The following TENM1 variants were observed in gnomAD, a reference collection of about 807,000 sequenced individuals.
TENM1 encodes teneurin-1.
TENM1 carries 35 observed loss-of-function variants against 174.8 expected under a neutral mutation model. The ratio of observed to expected loss-of-function variants is 0.20; its 90% CI spans 0.15 to 0.27. The LOEUF (loss-of-function observed/expected upper bound fraction) is 0.27, where lower values mean the gene tolerates loss of function less well. Ranked by LOEUF, TENM1 falls within the 10% of genes least tolerant of loss-of-function variation. The pLI is 1.00. For missense variants in TENM1, 1,633 were observed against 2,130.1 expected, an observed-to-expected ratio of 0.77 and a Z score of 4.59; for synonymous variants, 781 against 798.7, an observed-to-expected ratio of 0.98 and a Z score of 0.37.
chrX:124,382,768 C>T lies in TENM1; in HGVS notation c.7342G>A (p.Val2448Ile). 8.3e-7 allele frequency: 1 copy of T among 1,204,275 alleles called. No individual in the cohort carries two copies. The highest frequency in any genetic ancestry group is 1.8e-5 in the South Asian group (1 of 55,751). The change falls in exon 31 of 32, where the codon GTA becomes ATA. Residue 2448 changes from valine to isoleucine, a missense_variant. Transcript: ENST00000422452. ...TCAGGTTTGGGAAATCCAGGTAGTA[C>T]ATTGTGTAATTGGAAACCAAATAGC...
chrX:124,643,104 C>T (rs1360451442), intron 10 of TENM1, among the ~76,000 whole-genome samples: 1 of 111,682 alleles, frequency 9.0e-6, no homozygotes, highest in African/African-American at 3.3e-5. Context: ...CCAGAAGGTA[C>T]ATCTAATTTG....
chrX:125,064,813 T>C, the TENM1 span, among the ~76,000 whole-genome samples: 5 of 111,218 alleles, frequency 4.5e-5, no homozygotes, highest in Non-Finnish European at 7.5e-5. Flanking sequence ...TTCACCATGT[T>C]AGCCAGGATG....
At chrX:124,605,355 C>A (rs6648615) in intron 11 of TENM1, among the ~76,000 whole-genome samples, 6,300 of 107,326 alleles carry the variant, frequency 0.059, 284 homozygotes, top group African/African-American at 0.15. Context: ...CAGATAAAAC[C>A]ACTTTTTTCT....
At chrX:124,815,893 G>A (rs1169205352) in intron 3 of TENM1, among the ~76,000 whole-genome samples, 1 of 111,440 alleles carries the variant, frequency 9.0e-6, no homozygotes, top group African/African-American at 3.2e-5. Context: ...GGATTCCTCT[G>A]TATGAAAAAT....
At chrX:125,091,458 C>T in the TENM1 span, among the ~76,000 whole-genome samples, 85 of 111,499 alleles carry the variant, frequency 7.6e-4, 1 homozygote, top group South Asian at 0.018. Flanking sequence ...TTGGACACCT[C>T]AAATTGCAGC....
chrX:125,199,675 T>C, the TENM1 span, among the ~76,000 whole-genome samples: 1 of 111,683 alleles, frequency 9.0e-6, no homozygotes, highest in Admixed American at 9.5e-5. Flanking sequence ...GGCCTTGAAA[T>C]GGGTCCTGAA....
the TENM1 span, among the ~76,000 whole-genome samples, chrX:125,145,228 T>C: frequency 8.9e-6 from 1 of 111,770 alleles, no homozygotes; most frequent in Non-Finnish European, 1.9e-5. Context: ...AACATGTGGC[T>C]CCCCTATGGA....
intron 17 of TENM1, among the ~76,000 whole-genome samples, chrX:124,522,034 A>T (rs1261162275): frequency 8.9e-6 from 1 of 111,804 alleles, no homozygotes; most frequent in East Asian, 2.8e-4. Context: ...TGCAATCCTA[A>T]ATAAGCCTGG....
chrX:124,523,177 T>C (rs1301018041), intron 17 of TENM1, among the ~76,000 whole-genome samples, 187 bp downstream of exon 20: 2 of 112,323 alleles, frequency 1.8e-5, no homozygotes, highest in Non-Finnish European at 3.8e-5. Flanking sequence ...ACAGACAGCA[T>C]TCTAATGCCC....
At chrX:124,879,178 G>C (rs1176545941) in intron 3 of TENM1, among the ~76,000 whole-genome samples, 1 of 111,423 alleles carries the variant, frequency 9.0e-6, no homozygotes, top group Non-Finnish European at 1.9e-5. Context: ...ATACATTGCT[G>C]TTAACTGTAA....
At chrX:125,155,009 G>A in the TENM1 span, among the ~76,000 whole-genome samples, 2 of 111,645 alleles carry the variant, frequency 1.8e-5, no homozygotes, top group African/African-American at 3.3e-5. Flanking sequence ...GGACCCAAGC[G>A]GGTTGCCACT....
chrX:124,843,159 T>A (rs2147369077), intron 3 of TENM1, among the ~76,000 whole-genome samples: 1 of 111,800 alleles, frequency 8.9e-6, no homozygotes, highest in Non-Finnish European at 1.9e-5. Flanking sequence ...TACTGGGTAT[T>A]TTTATTGGCA....
At chrX:125,032,924 G>A in the TENM1 span, among the ~76,000 whole-genome samples, 1 of 111,680 alleles carries the variant, frequency 9.0e-6, no homozygotes, top group Non-Finnish European at 1.9e-5. Context: ...AGAAAATATT[G>A]ATGGAGGGTT....
chrX:124,389,642 C>A (rs996122078), intron 28 of TENM1, among the ~76,000 whole-genome samples: 1 of 110,769 alleles, frequency 9.0e-6, no homozygotes, highest in Non-Finnish European at 1.9e-5. Flanking sequence ...TTCCTTCTTC[C>A]CTCCCTTACT....
the TENM1 span, among the ~76,000 whole-genome samples, chrX:125,147,087 G>C: frequency 9.2e-6 from 1 of 108,639 alleles, no homozygotes; most frequent in Non-Finnish European, 1.9e-5. Context: ...ACACACGTGT[G>C]TGTATATATA....
At chrX:124,601,845 G>T (rs2148281470) in intron 11 of TENM1, among the ~76,000 whole-genome samples, 1 of 110,842 alleles carries the variant, frequency 9.0e-6, no homozygotes, top group African/African-American at 3.3e-5. Context: ...GGATTAAAAT[G>T]ATAGACCATT....
At chrX:124,987,223 A>T in the TENM1 span, among the ~76,000 whole-genome samples, 2 of 111,817 alleles carry the variant, frequency 1.8e-5, no homozygotes, top group Non-Finnish European at 3.8e-5. Context: ...TCATGATCAC[A>T]AAGTCTCTGT....
chrX:125,151,191 A>G, the TENM1 span, among the ~76,000 whole-genome samples: 7 of 112,542 alleles, frequency 6.2e-5, no homozygotes, highest in African/African-American at 2.3e-4. Context: ...AGAACATGAT[A>G]TCTTACAAAG....
chrX:124,377,370 CTTATT>C (rs774902170), exon 32 of TENM1: 20 of 110,966 alleles, frequency 1.8e-4, no homozygotes, highest in Non-Finnish European at 2.8e-4. Flanking sequence ...AAAGGACACA[CTTATT>C]TTATACATTT....
Sources: gnomAD v4.1 joint callset for allele counts (sites outside exome capture counted in the v4.1 genomes callset) on GRCh38, gnomAD v4.1.1 for gene constraint, MANE v1.5 for transcripts, NCBI Gene and HGNC (gene_info 2026-07-23, HGNC 2026-07-21) for gene names.